Variants in HDX observed in about 807,000 individuals in gnomAD.
HDX encodes the protein highly divergent homeobox.
A neutral mutation model predicts 45.2 loss-of-function variants in HDX; 19 were observed. That is an observed-to-expected ratio of 0.42 (90% confidence interval 0.29 to 0.62). The LOEUF is 0.62. HDX is among the 20% of genes least tolerant of loss of function. HDX has a pLI of 0.20. For missense variants in HDX, 532 were observed against 493.9 expected (o/e 1.08, Z -0.73); for synonymous variants, 188 against 172.8 (o/e 1.09, Z -0.69).
intron 3 of HDX, among the ~76,000 whole-genome samples, chrX:84,470,625 T>C (rs2040437175): frequency 1.8e-5 from 2 of 111,385 alleles, no homozygotes; most frequent in African/African-American, 6.5e-5. Context: ...ATATATTTTG[T>C]AAACAGATTA....
chrX:84,469,035 A>T lies in HDX; in HGVS notation c.688T>A (p.Ser230Thr). 1 of 1,211,364 alleles carries T rather than the reference A, an allele frequency of 8.3e-7. No homozygotes were observed. Among genetic ancestry groups the T allele is most frequent in the Non-Finnish European group, 1.1e-6 (1 of 895,275 alleles). The change falls in exon 4 of 11, where the codon TCA (serine) becomes ACA (threonine). Residue 230 changes from serine (S) to threonine (T), a missense_variant. Physicochemically the swap from Ser to Thr is moderately conservative, Grantham distance 58. This residue lies in a region of HDX where 376 missense variants were observed against 343.7 expected (regional missense o/e 1.09). Transcript: ENST00000373177. Reference protein sequence around the residue: ...CKIEPVGIQRSYKPEHTGPAL... With the variant: ...CKIEPVGIQRTYKPEHTGPAL... ...GGGCCTGTGTGTTCAGGCTTATATG[A>T]CCTTTGAATCCCAACTGGTTCAATT...
intron 8 of HDX, among the ~76,000 whole-genome samples, chrX:84,334,092 A>G (rs1315732877): frequency 1.8e-5 from 2 of 111,296 alleles, no homozygotes; most frequent in African/African-American, 3.3e-5. Context: ...TCTTTCTACA[A>G]TATCCCTAAC....
intron 5 of HDX, among the ~76,000 whole-genome samples, chrX:84,369,602 T>A (rs1161248332): frequency 8.9e-6 from 1 of 112,197 alleles, no homozygotes; most frequent in Non-Finnish European, 1.9e-5. Flanking sequence ...CATGTGTGCG[T>A]GTTTTTGCAC....
At chrX:84,405,561 CTG>C (rs2038797408) in intron 5 of HDX, among the ~76,000 whole-genome samples, 1 of 100,265 alleles carries the variant, frequency 1.0e-5, no homozygotes, top group Admixed American at 1.1e-4. Flanking sequence ...AGTTAGATGA[CTG>C]TAGCATTGAC....
intron 7 of HDX, among the ~76,000 whole-genome samples, chrX:84,339,514 A>G (rs904534221): frequency 3.6e-5 from 4 of 111,809 alleles, no homozygotes; most frequent in African/African-American, 1.3e-4. Flanking sequence ...TTAAAACTAT[A>G]TTGAGGATTT....
At chrX:84,493,884 T>C (rs1180704107) in intron 1 of HDX, among the ~76,000 whole-genome samples, 4 of 111,513 alleles carry the variant, frequency 3.6e-5, no homozygotes, top group Non-Finnish European at 3.8e-5. Context: ...ACACAAAGGA[T>C]AAACGCTTAA....
chrX:84,440,959 T>C (rs1298307147), intron 4 of HDX, among the ~76,000 whole-genome samples: 1 of 110,285 alleles, frequency 9.1e-6, no homozygotes, highest in African/African-American at 3.3e-5. Context: ...GGCCCCCGTA[T>C]CCACAGATAA....
Position 84,408,673 on chromosome X carries a change from T to G in HDX, c.1305+31859A>C, listed in dbSNP as rs1602400040. Among the ~76,000 whole-genome samples the G allele has an allele frequency of 2.7e-5, 3 of 109,904 alleles. No homozygotes were observed. In the Admixed American group the frequency reaches 2.9e-4, roughly 11 times the overall value. ...TTAAACATCATACCCCTTTTAATGA[T>G]ATTGGGTCTCCCTATCCATGAGAGT... is the stretch of plus-strand genomic sequence containing the variant. On this transcript the variant is annotated intron_variant, in intron 5 of 10. Transcript: ENST00000373177.
At chrX:84,465,169 A>G (rs1375157023) in intron 4 of HDX, among the ~76,000 whole-genome samples, 2 of 112,125 alleles carry the variant, frequency 1.8e-5, no homozygotes, top group Non-Finnish European at 3.8e-5. Flanking sequence ...AAGTCAGGAA[A>G]CAACAAATGC....
intron 1 of HDX, among the ~76,000 whole-genome samples, chrX:84,490,404 T>C (rs769833711): frequency 1.3e-3 from 149 of 112,004 alleles, no homozygotes; most frequent in African/African-American, 4.7e-3. Flanking sequence ...CTGGCCTTTG[T>C]GCTATTATTG....
rs1279096073 is a variant in HDX at position 84,469,485 on chromosome X, T to C, written c.238A>G (p.Ile80Val). The change falls in exon 4 of 11, where the codon ATC (isoleucine) becomes GTC (valine). Residue 80 changes from isoleucine (I) to valine (V), a missense_variant. Physicochemically the swap from Ile to Val is conservative, Grantham distance 29. Coordinates refer to ENST00000373177, the MANE Select transcript of HDX (RefSeq NM_001177479.2). ...TTGTSLSAPD[I>V]TVRNVVNIAR... is the part of the protein sequence containing the mutation. The stretch of plus-strand genomic sequence containing the variant: ...ATATTAACCACATTTCTGACTGTGA[T>C]GTCTGGAGCTGACAAAGAGGTTCCT... 1 of 1,208,360 alleles carries C rather than the reference T, an allele frequency of 8.3e-7. No homozygotes were observed. The highest frequency in any genetic ancestry group is 1.1e-6 in the Non-Finnish European group (1 of 894,196).
chrX:84,446,947 C>T (rs1569347480), intron 4 of HDX, among the ~76,000 whole-genome samples: 1 of 111,465 alleles, frequency 9.0e-6, no homozygotes, highest in African/African-American at 3.3e-5. Context: ...TGGGGTCTGC[C>T]TGAGGAATTT....
Position 84,344,412 on chromosome X carries a change from C to G in HDX, c.1498G>C (p.Glu500Gln). 4 of 1,206,408 alleles carry G rather than the reference C, an allele frequency of 3.3e-6. No homozygotes were observed. Among genetic ancestry groups the G allele is most frequent in the Non-Finnish European group, 4.5e-6 (4 of 891,327 alleles). ...RRRKYRLMGI[E>Q]VPPPRGGPAD... ...GGGCCTCCTCTTGGAGGTGGAACTT[C>G]AATCCCCATTAAACGATATTTCCTT... Residue 500 changes from glutamate to glutamine, a missense_variant, in exon 7 of 11, where the codon GAA (glutamate) becomes CAA (glutamine). Around this residue, in one of 3 missense-constraint regions of HDX, gnomAD observed 151 missense variants for 131.8 expected, o/e 1.15. Transcript: ENST00000373177.
Position 84,326,196 on chromosome X carries a change from A to G in HDX, c.1929T>C (p.Asp643=), listed in dbSNP as rs2036706956. 8.3e-7 allele frequency: 1 copy of G among 1,207,390 alleles called. No individual in the cohort carries two copies. The highest frequency in any genetic ancestry group is 1.7e-5 in the African/African-American group (1 of 57,732). Residue 643 remains aspartate (D), a synonymous_variant, in exon 10 of 11, where the codon GAT becomes GAC. Transcript: ENST00000373177. ...GACCTACCTGCTGTTGTTCCTTATC[A>G]TCAGCTTTCATTGCTAATATCAAGC... The part of the protein sequence containing the change: ...VRSLILAMKA[D]DKEQQQALLS...
Position 84,469,433 on chromosome X carries a change from G to A in HDX, c.290C>T (p.Ser97Phe), listed in dbSNP as rs751480896. 6 of 1,211,130 alleles carry A rather than the reference G, an allele frequency of 5.0e-6. No homozygotes were observed. In the Admixed American group the frequency reaches 8.7e-5, roughly 18 times the overall value. Residue 97 changes from serine to phenylalanine, a missense_variant, in exon 4 of 11, where the codon TCT becomes TTT. Physicochemically the swap from Ser to Phe is radical, Grantham distance 155. Around this residue, in one of 3 missense-constraint regions of HDX, gnomAD observed 376 missense variants for 343.7 expected, o/e 1.09. Transcript: ENST00000373177. ...NIARPSSQQS[S>F]WTSANNDVIV... ...GACATCATTATTGGCAGATGTCCAA[G>A]AAGACTGCTGGCTTGAGGGTCGAGC...
In HDX at chrX:84,469,062, T is replaced by C. The variant is rs1400985661; in HGVS notation, c.661A>G (p.Lys221Glu). Residue 221 changes from lysine (K) to glutamate (E), a missense_variant, in exon 4 of 11, where the codon AAA becomes GAA. Lys to Glu is a moderately conservative substitution (Grantham distance 56). This residue lies in a region of HDX where 376 missense variants were observed against 343.7 expected (regional missense o/e 1.09). Transcript: ENST00000373177. ...QKPSVCHRPCKIEPVGIQRSY... is the reference protein window; with the variant it reads ...QKPSVCHRPCEIEPVGIQRSY... ...CTTTGAATCCCAACTGGTTCAATTT[T>C]ACAAGGTCGGTGGCACACAGAAGGC... 5.8e-6 allele frequency: 7 copies of C among 1,210,361 alleles called. No homozygotes were observed. Among genetic ancestry groups the C allele is most frequent in the Non-Finnish European group, 7.8e-6 (7 of 895,333 alleles).
intron 1 of HDX, among the ~76,000 whole-genome samples, chrX:84,494,865 A>T (rs896617692): frequency 4.0e-4 from 45 of 111,556 alleles, no homozygotes; most frequent in African/African-American, 1.4e-3. Flanking sequence ...TAAAATCAGT[A>T]TCTTGAAGAT....
At chrX:84,370,333 G>C (rs896555284) in intron 5 of HDX, among the ~76,000 whole-genome samples, 7 of 111,786 alleles carry the variant, frequency 6.3e-5, no homozygotes, top group Non-Finnish European at 9.4e-5. Flanking sequence ...CTTGCAGACT[G>C]AGGATTGTGA....
intron 4 of HDX, among the ~76,000 whole-genome samples, chrX:84,463,657 G>A (rs1478344048): frequency 9.0e-6 from 1 of 110,712 alleles, no homozygotes; most frequent in Admixed American, 9.7e-5. Flanking sequence ...TCTTCACAAA[G>A]ATGATCATTA....
Sources: allele counts gnomAD v4.1 joint callset (sites outside exome capture counted in the v4.1 genomes callset), GRCh38; gene constraint gnomAD v4.1.1; regional missense constraint gnomAD v4.1.1; transcripts MANE v1.5; gene names NCBI Gene and HGNC (gene_info 2026-07-23, HGNC 2026-07-21).